The following GRM7 variants were observed in gnomAD, a reference collection of about 807,000 sequenced individuals.
GRM7 encodes metabotropic glutamate receptor 7.
In GRM7, 35 loss-of-function variants were observed where a neutral mutation model predicts 84.5. The observed-to-expected ratio is 0.41, with a 90% CI of 0.32 to 0.55. The LOEUF (loss-of-function observed/expected upper bound fraction) is 0.55, where lower values mean the gene tolerates loss of function less well. Among genes scored for constraint, GRM7 ranks in the 20% least tolerant of loss-of-function variants. The pLI, the probability that GRM7 is intolerant of heterozygous loss-of-function variation, is 0.19. For missense variants in GRM7, 1,003 were observed against 1,194.6 expected, an observed-to-expected ratio of 0.84 and a Z score of 2.36; for synonymous variants, 487 against 455.1, an observed-to-expected ratio of 1.07 and a Z score of -0.89.
chr3:7,615,677 A>G lies in GRM7; in HGVS notation c.2451+36320A>G, dbSNP rs770317330. On this transcript the variant is annotated intron_variant, in intron 8 of 9. Transcript: ENST00000357716. ...CTTTGAGGTTTCAAACCAAAGCCTG[A>G]ATTTTATAAGGTTTTCCAGAATAAG... is the stretch of plus-strand genomic sequence containing the variant. 1.1e-3 allele frequency among the ~76,000 whole-genome samples: 166 copies of G among 152,176 alleles called. 2 individuals are homozygous for G. Among genetic ancestry groups the G allele is most frequent in the Non-Finnish European group, 1.2e-3 (82 of 67,980 alleles).
intron 4 of GRM7, among the ~76,000 whole-genome samples, chr3:7,331,709 T>G (rs915557190): frequency 6.6e-6 from 1 of 152,192 alleles, no homozygotes; most frequent in Non-Finnish European, 1.5e-5. Context: ...GTTGGAGCTC[T>G]GTCTTGTGCT....
At chr3:6,940,959 G>A (rs956077476) in intron 1 of GRM7, among the ~76,000 whole-genome samples, 5 of 152,176 alleles carry the variant, frequency 3.3e-5, no homozygotes, top group Admixed American at 2.6e-4. Context: ...TGGGTTGAAC[G>A]TTGAGCAAAT....
At chr3:7,469,204 G>C (rs7623055) in intron 7 of GRM7, among the ~76,000 whole-genome samples, 4 of 152,006 alleles carry the variant, frequency 2.6e-5, no homozygotes, top group African/African-American at 9.7e-5. Context: ...ATCAGAGGAT[G>C]CAACCAGACT....
At chr3:7,406,416 C>T (rs1234266138) in intron 4 of GRM7, among the ~76,000 whole-genome samples, 1 of 151,860 alleles carries the variant, frequency 6.6e-6, no homozygotes. Flanking sequence ...AGGAGAATGG[C>T]GTGAACCCGG....
At chr3:7,729,602 G>A (rs552882227) in intron 9 of GRM7, among the ~76,000 whole-genome samples, 253 of 152,244 alleles carry the variant, frequency 1.7e-3, no homozygotes, top group African/African-American at 5.6e-3. Context: ...GGTAACTAAC[G>A]CTGTATTTTG....
intron 8 of GRM7, among the ~76,000 whole-genome samples, chr3:7,668,015 G>A (rs1318146636): frequency 6.6e-6 from 1 of 152,214 alleles, no homozygotes; most frequent in African/African-American, 2.4e-5. Context: ...AAAAGAGGCA[G>A]AGTTGTTGGA....
chr3:7,731,865 A>G (rs1168208422), intron 9 of GRM7, among the ~76,000 whole-genome samples: 1 of 152,054 alleles, frequency 6.6e-6, no homozygotes, highest in African/African-American at 2.4e-5. Context: ...GTCCTCAGGA[A>G]GACAGCTTTG....
intron 1 of GRM7, among the ~76,000 whole-genome samples, chr3:7,053,565 G>T (rs1697089379): frequency 6.6e-6 from 1 of 151,560 alleles, no homozygotes; most frequent in Non-Finnish European, 1.5e-5. Context: ...GTTGTACAGT[G>T]AGAGCTGAAG....
chr3:7,364,664 C>A lies in GRM7; in HGVS notation c.1034-50359C>A, dbSNP rs147197435. Among the ~76,000 whole-genome samples, 1,212 of 151,644 alleles carry A rather than the reference C, an allele frequency of 8.0e-3. 17 individuals are homozygous for A. The highest frequency in any genetic ancestry group is 0.027 in the African/African-American group (1,131 of 41,410). On this transcript the variant is annotated intron_variant, in intron 4 of 9. Coordinates refer to ENST00000357716, the MANE Select transcript of GRM7 (RefSeq NM_000844.4). ...ACTGATAATTCTGAAATTTTAATAT[C>A]CATGTTTGACTTAAAAATTAAAAGT...
chr3:7,208,309 G>A (rs1203259254), intron 2 of GRM7, among the ~76,000 whole-genome samples: 3 of 80,346 alleles, frequency 3.7e-5, no homozygotes, highest in Non-Finnish European at 8.8e-5. Context: ...AGCAATGACT[G>A]GCCATAAGGA....
intron 1 of GRM7, among the ~76,000 whole-genome samples, chr3:6,868,253 A>G (rs17046212): frequency 0.026 from 4,002 of 152,324 alleles, 174 homozygotes; most frequent in African/African-American, 0.089. Flanking sequence ...TTGTCTGACA[A>G]CAAACCACTA....
At chr3:7,056,711 A>G (rs1019792363) in intron 1 of GRM7, among the ~76,000 whole-genome samples, 2 of 151,950 alleles carry the variant, frequency 1.3e-5, no homozygotes, top group Non-Finnish European at 2.9e-5. Flanking sequence ...TGTTTGCCAC[A>G]TTACCTATAT....
intron 2 of GRM7, among the ~76,000 whole-genome samples, chr3:7,196,692 C>T (rs1695890535): frequency 6.6e-6 from 1 of 152,118 alleles, no homozygotes; most frequent in African/African-American, 2.4e-5. Context: ...ATCAGGCCCC[C>T]TTAGCATTTT....
intron 1 of GRM7, among the ~76,000 whole-genome samples, chr3:7,050,754 G>T (rs1010099459): frequency 5.3e-5 from 8 of 151,810 alleles, no homozygotes; most frequent in African/African-American, 1.7e-4. Flanking sequence ...GTTTCATATG[G>T]TCATCAGTCA....
intron 8 of GRM7, chr3:7,607,651 GC>G (rs1178655535): frequency 2.6e-5 from 4 of 151,854 alleles, no homozygotes; most frequent in Non-Finnish European, 5.9e-5. Context: ...TGGCTGGGGA[GC>G]GGGGGGCGAA....
chr3:6,886,061 T>G (rs1695680374), intron 1 of GRM7, among the ~76,000 whole-genome samples: 1 of 151,892 alleles, frequency 6.6e-6, no homozygotes, highest in Admixed American at 6.6e-5. Flanking sequence ...ACAATCTAAA[T>G]AATTAGCACA....
chr3:6,946,286 A>T (rs1455604486), intron 1 of GRM7, among the ~76,000 whole-genome samples: 2 of 152,214 alleles, frequency 1.3e-5, no homozygotes, highest in African/African-American at 4.8e-5. Flanking sequence ...ATGGCTAGCC[A>T]GTTTTCCCAG....
chr3:7,491,826 T>A (rs902808978), intron 7 of GRM7, among the ~76,000 whole-genome samples: 2 of 152,166 alleles, frequency 1.3e-5, no homozygotes, highest in African/African-American at 4.8e-5. Flanking sequence ...ACATGGTGAG[T>A]ATATAATAAA....
intron 1 of GRM7, among the ~76,000 whole-genome samples, chr3:7,028,460 A>G (rs949041458): frequency 2.6e-5 from 4 of 152,210 alleles, no homozygotes; most frequent in African/African-American, 9.6e-5. Flanking sequence ...AAACTTTCAG[A>G]TAATAATAAC....
Sources: gnomAD v4.1 joint callset for allele counts (sites outside exome capture counted in the v4.1 genomes callset) on GRCh38, gnomAD v4.1.1 for gene constraint, MANE v1.5 for transcripts, NCBI Gene and HGNC (gene_info 2026-07-23, HGNC 2026-07-21) for gene names.